Variants in TENM3 observed in about 807,000 individuals in gnomAD.
TENM3 encodes teneurin-3.
TENM3 carries 63 observed loss-of-function variants against 255.1 expected under a neutral mutation model. That is an observed-to-expected ratio of 0.25 (90% confidence interval 0.20 to 0.30). The LOEUF is 0.30. TENM3 is among the 10% of genes least tolerant of loss of function. The pLI, the probability that TENM3 is intolerant of heterozygous loss-of-function variation, is 1.00. For synonymous variants in TENM3, 1,306 were observed against 1,322.3 expected (o/e 0.99, Z 0.27); for missense variants, 2,929 against 3,461.1 (o/e 0.85, Z 3.86).
chr4:182,024,423 G>C, the TENM3 span, among the ~76,000 whole-genome samples: 1 of 152,024 alleles, frequency 6.6e-6, no homozygotes, highest in African/African-American at 2.4e-5. Context: ...CTGGTTGGTT[G>C]TTTGTTTACA....
chr4:182,531,409 A>C (rs995875943), intron 3 of TENM3, among the ~76,000 whole-genome samples: 1 of 152,200 alleles, frequency 6.6e-6, no homozygotes, highest in African/African-American at 2.4e-5. Context: ...TTGGCTGTGG[A>C]CATTCTAAAA....
At chr4:181,708,787 G>C in the TENM3 span, among the ~76,000 whole-genome samples, 5 of 152,168 alleles carry the variant, frequency 3.3e-5, no homozygotes, top group Admixed American at 3.3e-4. Flanking sequence ...GTGTAGCCAT[G>C]CTTAAGAACC....
chr4:181,953,735 A>G, the TENM3 span, among the ~76,000 whole-genome samples: 1 of 152,132 alleles, frequency 6.6e-6, no homozygotes, highest in Non-Finnish European at 1.5e-5. Flanking sequence ...TTTATAAACC[A>G]TGAGTGGAAA....
At chr4:181,529,989 C>T in the TENM3 span, among the ~76,000 whole-genome samples, 1 of 152,286 alleles carries the variant, frequency 6.6e-6, no homozygotes, top group East Asian at 1.9e-4. Flanking sequence ...AGGACACATA[C>T]AGGAGCGTTT....
the TENM3 span, among the ~76,000 whole-genome samples, chr4:181,737,314 C>T: frequency 6.6e-6 from 1 of 152,114 alleles, no homozygotes; most frequent in Non-Finnish European, 1.5e-5. Flanking sequence ...TACCCCAAAT[C>T]CTAATGTTAG....
the TENM3 span, among the ~76,000 whole-genome samples, chr4:181,808,660 T>C: frequency 1.3e-5 from 2 of 152,190 alleles, no homozygotes; most frequent in African/African-American, 4.8e-5. Context: ...AAATTGCATG[T>C]GAAAATGGGA....
chr4:181,851,081 G>C, the TENM3 span, among the ~76,000 whole-genome samples: 1 of 152,138 alleles, frequency 6.6e-6, no homozygotes, highest in African/African-American at 2.4e-5. Context: ...TTCCCAAAGA[G>C]ATACCTCTTT....
chr4:181,747,533 C>A, the TENM3 span, among the ~76,000 whole-genome samples: 1 of 151,766 alleles, frequency 6.6e-6, no homozygotes, highest in South Asian at 2.1e-4. Flanking sequence ...TAATTTTTGC[C>A]CACTTTTCTA....
intron 1 of TENM3, among the ~76,000 whole-genome samples, chr4:182,271,994 A>G (rs1211596411): frequency 6.6e-6 from 1 of 152,210 alleles, no homozygotes; most frequent in Non-Finnish European, 1.5e-5. Context: ...GGCCAGTTTA[A>G]GCTGATTAGA....
At chr4:181,806,934 A>T in the TENM3 span, among the ~76,000 whole-genome samples, 1 of 152,098 alleles carries the variant, frequency 6.6e-6, no homozygotes, top group African/African-American at 2.4e-5. Flanking sequence ...CCATGGTTGA[A>T]CTGTATCTGT....
At chr4:182,547,995 A>T (rs1265130536) in intron 3 of TENM3, among the ~76,000 whole-genome samples, 1 of 152,012 alleles carries the variant, frequency 6.6e-6, no homozygotes, top group African/African-American at 2.4e-5. Context: ...AGGTGGGAGG[A>T]TCAGTTAAGC....
chr4:181,899,605 G>A, the TENM3 span, among the ~76,000 whole-genome samples: 1 of 151,824 alleles, frequency 6.6e-6, no homozygotes, highest in Non-Finnish European at 1.5e-5. Context: ...GTCTCTCTCT[G>A]TCACCAGGCT....
chr4:181,499,011 T>G, the TENM3 span, among the ~76,000 whole-genome samples: 93,106 of 152,024 alleles, frequency 0.61, 28,679 homozygotes, highest in South Asian at 0.69. Context: ...ATCACACACA[T>G]TTTACTCATA....
chr4:182,595,290 C>T (rs2152397783), intron 3 of TENM3, among the ~76,000 whole-genome samples: 1 of 152,152 alleles, frequency 6.6e-6, no homozygotes, highest in South Asian at 2.1e-4. Context: ...CTTACATTTG[C>T]TTGGAACTGG....
At chr4:182,035,915 T>TATTG in the TENM3 span, among the ~76,000 whole-genome samples, 2 of 152,114 alleles carry the variant, frequency 1.3e-5, no homozygotes, top group South Asian at 2.1e-4. Context: ...CACCACCAAG[T>TATTG]CAATGGCTCT....
chr4:182,752,731 A>G (rs1041904333), intron 20 of TENM3, among the ~76,000 whole-genome samples: 7 of 152,180 alleles, frequency 4.6e-5, no homozygotes, highest in African/African-American at 1.7e-4. Flanking sequence ...TAACGGGGTC[A>G]ACAAAACACT....
At chr4:182,461,580 G>A (rs2151391148) in intron 3 of TENM3, among the ~76,000 whole-genome samples, 1 of 152,230 alleles carries the variant, frequency 6.6e-6, no homozygotes, top group African/African-American at 2.4e-5. Context: ...GATCTCTCTG[G>A]TAGATGCTGT....
At chr4:181,585,431 C>T in the TENM3 span, among the ~76,000 whole-genome samples, 1 of 152,160 alleles carries the variant, frequency 6.6e-6, no homozygotes, top group South Asian at 2.1e-4. Context: ...GAAAGACCAA[C>T]AAGAAAATTC....
chr4:182,469,583 G>A (rs1013502458), intron 3 of TENM3, among the ~76,000 whole-genome samples: 3 of 151,952 alleles, frequency 2.0e-5, no homozygotes, highest in East Asian at 1.9e-4. Flanking sequence ...GCATGGTGGC[G>A]CTCACCTGTA....
Sources: gnomAD v4.1 joint callset for allele counts (sites outside exome capture counted in the v4.1 genomes callset) on GRCh38, gnomAD v4.1.1 for gene constraint, MANE v1.5 for transcripts, NCBI Gene and HGNC (gene_info 2026-07-23, HGNC 2026-07-21) for gene names.